The following NOS1AP variants were observed in gnomAD, a reference collection of about 807,000 sequenced individuals.
The protein encoded by NOS1AP is carboxyl-terminal PDZ ligand of neuronal nitric oxide synthase protein.
In NOS1AP, 21 loss-of-function variants were observed where a neutral mutation model predicts 56.2. The ratio of observed to expected loss-of-function variants is 0.37; its 90% CI spans 0.26 to 0.54. The LOEUF is 0.54. Among genes scored for constraint, NOS1AP ranks in the 20% least tolerant of loss-of-function variants. The pLI, the probability that NOS1AP is intolerant of heterozygous loss-of-function variation, is 0.84. For synonymous variants in NOS1AP, 270 were observed against 274.6 expected (o/e 0.98, Z 0.17); for missense variants, 522 against 657.8 (o/e 0.79, Z 2.26).
At chr1:162,108,719 A>G (rs1454441522) in intron 1 of NOS1AP, among the ~76,000 whole-genome samples, 2 of 152,216 alleles carry the variant, frequency 1.3e-5, no homozygotes, top group African/African-American at 2.4e-5. Context: ...CAAACATTAA[A>G]AAAAAAGGAT....
At chr1:162,192,893 T>A (rs1213841333) in intron 2 of NOS1AP, among the ~76,000 whole-genome samples, 1 of 151,970 alleles carries the variant, frequency 6.6e-6, no homozygotes, top group Admixed American at 6.6e-5. Flanking sequence ...ATAGAGACTA[T>A]GGGGGAGACT....
intron 4 of NOS1AP, among the ~76,000 whole-genome samples, chr1:162,323,034 C>T (rs1656469202): frequency 6.6e-6 from 1 of 152,164 alleles, no homozygotes; most frequent in African/African-American, 2.4e-5. Flanking sequence ...ATGTTCCTCA[C>T]CCCGGTACCT....
intron 8 of NOS1AP, chr1:162,362,988 A>C: frequency 1.2e-6 from 1 of 868,996 alleles, no homozygotes; most frequent in Non-Finnish European, 1.4e-6. Flanking sequence ...TACTTCTATG[A>C]CCAAATGTAT....
intron 1 of NOS1AP, among the ~76,000 whole-genome samples, chr1:162,124,533 T>C (rs540056503): frequency 6.6e-6 from 1 of 151,900 alleles, no homozygotes; most frequent in East Asian, 1.9e-4. Flanking sequence ...GTATTTTCTT[T>C]TTCTTTGAGA....
At chr1:162,087,034 T>C (rs778148459) in intron 1 of NOS1AP, among the ~76,000 whole-genome samples, 1 of 152,172 alleles carries the variant, frequency 6.6e-6, no homozygotes, top group Non-Finnish European at 1.5e-5. Context: ...GTTATTTGTG[T>C]ACCTAGCATA....
intron 2 of NOS1AP, among the ~76,000 whole-genome samples, chr1:162,283,869 G>A (rs1289233136): frequency 6.6e-6 from 1 of 152,216 alleles, no homozygotes; most frequent in East Asian, 1.9e-4. Context: ...CATATTCAGG[G>A]AGGGCCAGGC....
chr1:162,218,358 A>G (rs1652650313), intron 2 of NOS1AP, among the ~76,000 whole-genome samples: 1 of 152,232 alleles, frequency 6.6e-6, no homozygotes, highest in Non-Finnish European at 1.5e-5. Flanking sequence ...CCTCAAAAAT[A>G]TCAGGCTAAT....
intron 1 of NOS1AP, among the ~76,000 whole-genome samples, chr1:162,134,438 A>C (rs1415266): frequency 0.21 from 31,683 of 148,514 alleles, 4,423 homozygotes; most frequent in South Asian, 0.55. Context: ...CTGAGCTGAG[A>C]TCACACTACT....
intron 2 of NOS1AP, among the ~76,000 whole-genome samples, chr1:162,205,653 C>T (rs1652138586): frequency 6.6e-6 from 1 of 152,096 alleles, no homozygotes; most frequent in Admixed American, 6.6e-5. Flanking sequence ...ACTATTGGAT[C>T]TTTTTACTAA....
At chr1:162,163,009 C>T (rs560379788) in intron 2 of NOS1AP, among the ~76,000 whole-genome samples, 5 of 152,298 alleles carry the variant, frequency 3.3e-5, no homozygotes, top group African/African-American at 1.2e-4. Context: ...TACATTCTGT[C>T]TCTATGGATT....
chr1:162,202,322 T>G (rs1652021623), intron 2 of NOS1AP, among the ~76,000 whole-genome samples: 1 of 152,368 alleles, frequency 6.6e-6, no homozygotes, highest in African/African-American at 2.4e-5. Flanking sequence ...GTAATATCCC[T>G]TTTCAGAAGC....
chr1:162,324,255 C>T (rs1469023831), intron 4 of NOS1AP, among the ~76,000 whole-genome samples: 2 of 152,060 alleles, frequency 1.3e-5, no homozygotes, highest in Non-Finnish European at 2.9e-5. Context: ...AACACAGACA[C>T]ACAGAAGAAA....
intron 2 of NOS1AP, among the ~76,000 whole-genome samples, chr1:162,236,309 CA>C (rs1231451311): frequency 6.6e-6 from 1 of 152,168 alleles, no homozygotes; most frequent in East Asian, 1.9e-4. Flanking sequence ...TCACTAATAA[CA>C]AAAACTACCA....
At chr1:162,076,291 C>T (rs1329776553) in intron 1 of NOS1AP, among the ~76,000 whole-genome samples, 1 of 152,180 alleles carries the variant, frequency 6.6e-6, no homozygotes, top group East Asian at 1.9e-4. Context: ...TTGCCCTACC[C>T]TGCAAACTTG....
At chr1:162,244,724 C>T (rs977692242) in intron 2 of NOS1AP, among the ~76,000 whole-genome samples, 1 of 152,140 alleles carries the variant, frequency 6.6e-6, no homozygotes, top group African/African-American at 2.4e-5. Flanking sequence ...CATCTCTGGC[C>T]TCTACCCATT....
At position 162,367,186 on chromosome 1, in the gene NOS1AP, C is replaced by T. The variant is rs752138485; in HGVS notation, c.1240C>T (p.Pro414Ser). 1.9e-6 allele frequency: 3 copies of T among 1,613,786 alleles called. No homozygotes were observed. The Admixed American group carries it at 5.0e-5, about 27-fold the overall frequency. ...CGCGGGCTTGGCTGACTTTGCCCAC[C>T]CTGCGGGCAGCCCCTTAGGTAGGCG... ...LGAGLADFAH[P>S]AGSPLGRRDC... Residue 414 changes from proline (P) to serine (S), a missense_variant, in exon 10 of 10, where the codon CCT becomes TCT. Pro to Ser is a moderately conservative substitution (Grantham distance 74). Transcript: ENST00000361897. This position sits in a 1 kb window ranked among gnomAD's most constrained non-coding sequence, Gnocchi z 6.5.
intron 2 of NOS1AP, among the ~76,000 whole-genome samples, chr1:162,235,371 A>C (rs7517437): frequency 0.54 from 82,075 of 151,992 alleles, 23,154 homozygotes; most frequent in Non-Finnish European, 0.64. Context: ...AGTGAAGAAG[A>C]CTTCCCTGGC....
intron 2 of NOS1AP, among the ~76,000 whole-genome samples, chr1:162,261,976 G>A (rs1654255769): frequency 6.6e-6 from 1 of 152,204 alleles, no homozygotes; most frequent in African/African-American, 2.4e-5. Flanking sequence ...TACTGATATA[G>A]GACTTACAGA....
At chr1:162,087,170 A>T (rs1195412687) in intron 1 of NOS1AP, among the ~76,000 whole-genome samples, 1 of 152,196 alleles carries the variant, frequency 6.6e-6, no homozygotes, top group African/African-American at 2.4e-5. Flanking sequence ...TGTTAGAGTG[A>T]GGCTGACATC....
Sources: allele counts gnomAD v4.1 joint callset (sites outside exome capture counted in the v4.1 genomes callset), GRCh38; gene constraint gnomAD v4.1.1; non-coding constraint Gnocchi (gnomAD v3.1); transcripts MANE v1.5; gene names NCBI Gene and HGNC (gene_info 2026-07-23, HGNC 2026-07-21).